Variants in CAMK2B observed in about 807,000 individuals in gnomAD.
CAMK2B encodes the protein calcium/calmodulin dependent protein kinase II beta.
In CAMK2B, 27 loss-of-function variants were observed where a neutral mutation model predicts 93.7. The ratio of observed to expected loss-of-function variants is 0.29; its 90% CI spans 0.21 to 0.40. The LOEUF (loss-of-function observed/expected upper bound fraction) is 0.40. Ranked by LOEUF, CAMK2B falls within the 10% of genes least tolerant of loss-of-function variation. CAMK2B has a pLI of 1.00. For missense variants in CAMK2B, 568 were observed against 895.8 expected (o/e 0.63, Z 4.67); for synonymous variants, 374 against 358.8 (o/e 1.04, Z -0.48).
At chr7:44,250,278 C>T (rs982347420) in intron 5 of CAMK2B, among the ~76,000 whole-genome samples, 30 of 152,228 alleles carry the variant, frequency 2.0e-4, no homozygotes, top group African/African-American at 7.0e-4. Context: ...GTGAGACTCA[C>T]AGTCACACCA....
chr7:44,233,046 G>A (rs912066849), intron 15 of CAMK2B, among the ~76,000 whole-genome samples, 180 bp from the exon 16 acceptor site: 1 of 152,084 alleles, frequency 6.6e-6, no homozygotes, highest in African/African-American at 2.4e-5. Context: ...AGCTGGGGGA[G>A]GAGCCTGGGT....
chr7:44,261,414 C>T (rs561607060), intron 3 of CAMK2B, among the ~76,000 whole-genome samples: 1 of 152,374 alleles, frequency 6.6e-6, no homozygotes, highest in East Asian at 1.9e-4. Flanking sequence ...TATGAAGGTA[C>T]CTCACTGCTC....
At chr7:44,240,197 C>T (rs932265007) in intron 12 of CAMK2B, among the ~76,000 whole-genome samples, 1 of 152,082 alleles carries the variant, frequency 6.6e-6, no homozygotes, top group Non-Finnish European at 1.5e-5. Flanking sequence ...GGGTCTATAA[C>T]AGACCCCACC....
At chr7:44,280,854 G>A (rs963105433) in intron 2 of CAMK2B, among the ~76,000 whole-genome samples, 5 of 152,202 alleles carry the variant, frequency 3.3e-5, no homozygotes, top group Admixed American at 6.5e-5. Context: ...TCAGACACAA[G>A]CAGGTGAAAC....
chr7:44,291,217 T>TGGGGAGAGTGTTGGGGTTCCGCCAAGG (rs1224369258), intron 1 of CAMK2B, among the ~76,000 whole-genome samples: 1 of 151,974 alleles, frequency 6.6e-6, no homozygotes, highest in African/African-American at 2.4e-5. Flanking sequence ...TTCCGCCAAG[T>TGGGGAGAGTGTTGGGGTTCCGCCAAGG]GGGGAGAGTG....
intron 17 of CAMK2B, among the ~76,000 whole-genome samples, chr7:44,230,782 C>T (rs185691566): frequency 3.9e-5 from 6 of 152,296 alleles, no homozygotes; most frequent in East Asian, 3.9e-4. Flanking sequence ...ATGCGGTGAC[C>T]GAGACTGCCC....
At chr7:44,220,476 CG>C in intron 22 of CAMK2B, 139 bp downstream of exon 22, 2 of 862,796 alleles carry the variant, frequency 2.3e-6, no homozygotes, top group Non-Finnish European at 3.6e-6. Flanking sequence ...TGGCCTCTGG[CG>C]GGGGAGAGGT....
chr7:44,236,301 G>A (rs140250642), intron 13 of CAMK2B, among the ~76,000 whole-genome samples: 12 of 152,316 alleles, frequency 7.9e-5, no homozygotes, highest in African/African-American at 1.9e-4. Context: ...GTGGCTGCAC[G>A]TGGCCCTGCG....
rs2128910377 is a variant in CAMK2B at position 44,228,781 on chromosome 7, G to A, written c.1468+15C>T. 6.8e-7 allele frequency: 1 copy of A among 1,460,824 alleles called. No individual in the cohort carries two copies. The highest frequency in any genetic ancestry group is 9.0e-7 in the Non-Finnish European group (1 of 1,107,586). The allele number at this position is 1,460,824 out of a possible 1,614,324, so 90.5% of individuals were successfully genotyped here. A position where few individuals can be genotyped will look rare whatever the true frequency, so the allele number is the denominator to read the frequency against. On this transcript the variant is annotated intron_variant, in intron 19 of 23. Coordinates refer to ENST00000395749, the MANE Select transcript of CAMK2B (RefSeq NM_001220.5). ...TCCGGCAGCAGAGGCGGCAGGCCTG[G>A]GGGCCACTACTTACACGGGGAGGAC...
At chr7:44,226,187 C>T (rs945365441) in intron 20 of CAMK2B, among the ~76,000 whole-genome samples, 11 of 152,218 alleles carry the variant, frequency 7.2e-5, no homozygotes, top group Non-Finnish European at 1.6e-4. Context: ...CCTTGCCACA[C>T]GCGCAGACCC....
chr7:44,222,664 A>C (rs910970271), intron 20 of CAMK2B, among the ~76,000 whole-genome samples: 23 of 152,132 alleles, frequency 1.5e-4, no homozygotes, highest in African/African-American at 5.6e-4. Flanking sequence ...GGCTGGTCTC[A>C]AACTCCTAAC....
intron 1 of CAMK2B, among the ~76,000 whole-genome samples, chr7:44,302,667 C>A (rs1221188862): frequency 1.3e-5 from 2 of 152,104 alleles, no homozygotes; most frequent in African/African-American, 4.8e-5. Flanking sequence ...ACAACTATAT[C>A]AATACATGCA....
At chr7:44,239,695 GGAGGGGTGGGCGGACACAGAC>G (rs2096658522) in intron 12 of CAMK2B, 32 bp from the exon 13 acceptor site, 6 of 1,492,064 alleles carry the variant, frequency 4.0e-6, no homozygotes, top group Admixed American at 2.0e-5. Context: ...CGAGGGGAAG[GGAGGGGTGGGCGGACACAGAC>G]GAGGGGTGGG....
intron 2 of CAMK2B, among the ~76,000 whole-genome samples, chr7:44,278,588 A>G (rs2097073153): frequency 6.6e-6 from 1 of 152,202 alleles, no homozygotes; most frequent in African/African-American, 2.4e-5. Flanking sequence ...AGGGCAGCAG[A>G]GGCCACAGGA....
chr7:44,309,453 G>A (rs1792874904), intron 1 of CAMK2B, among the ~76,000 whole-genome samples: 1 of 152,152 alleles, frequency 6.6e-6, no homozygotes, highest in African/African-American at 2.4e-5. Context: ...CCCTTGCTGC[G>A]CCCCCATCTC....
In CAMK2B at chr7:44,267,822, C is replaced by T. The variant is rs539065229; in HGVS notation, c.161-4758G>A. ...AACAATTGCCCTCAAAAAGATCAGGCTAAACCGGAGCCTGCAATTATCCGC... is the reference window on the plus strand; with the variant it reads ...AACAATTGCCCTCAAAAAGATCAGGTTAAACCGGAGCCTGCAATTATCCGC... On this transcript the variant is annotated intron_variant, in intron 2 of 23. Coordinates refer to ENST00000395749, the MANE Select transcript of CAMK2B (RefSeq NM_001220.5). Among the ~76,000 whole-genome samples, 9 of 152,356 alleles carry T rather than the reference C, an allele frequency of 5.9e-5. No homozygotes were observed. The East Asian group carries it at 9.6e-4, about 16-fold the overall frequency.
chr7:44,315,506 G>C (rs114652400), intron 1 of CAMK2B, among the ~76,000 whole-genome samples: 3 of 152,186 alleles, frequency 2.0e-5, no homozygotes, highest in Non-Finnish European at 4.4e-5. Context: ...ATCAGAACCC[G>C]TGAGTCCTCT....
intron 17 of CAMK2B, 65 bp downstream of exon 17, chr7:44,230,941 C>G (rs552983321): frequency 4.2e-6 from 6 of 1,433,768 alleles, no homozygotes; most frequent in Non-Finnish European, 4.8e-6. Flanking sequence ...CAAGTCCCAC[C>G]CACCTCAAAG....
In CAMK2B at chr7:44,221,446, A is replaced by T. The variant is rs530903881; in HGVS notation, c.1598-545T>A. ...GACCTGCCTCAGAGAAGGAGCCGTC[A>T]GCAAGGCCACCCGGAGGCCGGGGAG... is the stretch of plus-strand genomic sequence containing the variant. On this transcript the variant is annotated intron_variant, in intron 20 of 23. Transcript: ENST00000395749. Among the ~76,000 whole-genome samples the T allele has an allele frequency of 4.0e-5, 6 of 149,970 alleles. 2 individuals carry two copies. The highest frequency in any genetic ancestry group is 1.5e-4 in the African/African-American group (6 of 39,300).
Sources: gnomAD v4.1 joint callset for allele counts (sites outside exome capture counted in the v4.1 genomes callset) on GRCh38, gnomAD v4.1.1 for gene constraint, MANE v1.5 for transcripts, NCBI Gene and HGNC (gene_info 2026-07-23, HGNC 2026-07-21) for gene names.